The following RGS6 variants were observed in gnomAD, a reference collection of about 807,000 sequenced individuals.
RGS6 encodes regulator of G-protein signaling 6.
Under a neutral mutation model 78.5 loss-of-function variants are expected in RGS6, and 30 were observed. The observed-to-expected ratio is 0.38, with a 90% CI of 0.29 to 0.52. The LOEUF (loss-of-function observed/expected upper bound fraction) is 0.52, where lower values mean the gene tolerates loss of function less well. RGS6 is among the 20% of genes least tolerant of loss of function. RGS6 has a pLI of 0.85. For synonymous variants in RGS6, 206 were observed against 206.0 expected, an observed-to-expected ratio of 1.00 and a Z score of 0.00; for missense variants, 495 against 609.7, an observed-to-expected ratio of 0.81 and a Z score of 1.98.
chr14:72,229,786 C>T (rs1218191588), intron 2 of RGS6, among the ~76,000 whole-genome samples: 1 of 152,220 alleles, frequency 6.6e-6, no homozygotes, highest in East Asian at 1.9e-4. Flanking sequence ...TTCTCTCTCC[C>T]TTGCACTTTT....
At chr14:71,961,386 G>T (rs1255496208) in intron 1 of RGS6, among the ~76,000 whole-genome samples, 1 of 152,138 alleles carries the variant, frequency 6.6e-6, no homozygotes, top group Non-Finnish European at 1.5e-5. Flanking sequence ...GTGTGTCCTG[G>T]TTCTGATAGT....
At chr14:72,312,876 C>T (rs1446458276) in intron 2 of RGS6, among the ~76,000 whole-genome samples, 1 of 152,180 alleles carries the variant, frequency 6.6e-6, no homozygotes, top group Non-Finnish European at 1.5e-5. Flanking sequence ...CTAAATAGCC[C>T]CAGTGCTCAC....
intron 2 of RGS6, among the ~76,000 whole-genome samples, chr14:72,146,704 C>T (rs1021515361): frequency 7.9e-5 from 12 of 152,178 alleles, no homozygotes; most frequent in African/African-American, 2.4e-4. Context: ...AATCTCCACA[C>T]CCTTAATATT....
chr14:71,984,292 T>C (rs2094585901), intron 2 of RGS6, among the ~76,000 whole-genome samples: 1 of 91,308 alleles, frequency 1.1e-5, no homozygotes, highest in African/African-American at 4.7e-5. Context: ...AGAAACTGAA[T>C]TATGTTAAAA....
At chr14:72,619,240 G>C in the RGS6 span, 1 of 1,516,998 alleles carries the variant, frequency 6.6e-7, no homozygotes, top group Non-Finnish European at 8.8e-7. Context: ...GTTCTGGTTT[G>C]AACTGGGCTC....
chr14:72,293,860 C>G (rs1322964762), intron 2 of RGS6, among the ~76,000 whole-genome samples: 1 of 152,224 alleles, frequency 6.6e-6, no homozygotes, highest in Non-Finnish European at 1.5e-5. Context: ...AAAGTAGCCA[C>G]AAATAATAGT....
intron 2 of RGS6, among the ~76,000 whole-genome samples, chr14:72,158,924 G>T (rs1294531293): frequency 1.3e-5 from 2 of 152,168 alleles, no homozygotes; most frequent in Non-Finnish European, 2.9e-5. Flanking sequence ...CATTCAGCAA[G>T]TTACTTAACC....
intron 3 of RGS6, among the ~76,000 whole-genome samples, chr14:72,428,026 A>G (rs1449921814): frequency 6.6e-6 from 1 of 152,208 alleles, no homozygotes; most frequent in African/African-American, 2.4e-5. Context: ...GGAAAAGACC[A>G]CCTGGAAGTC....
At chr14:72,521,131 A>C (rs2097032093) in intron 15 of RGS6, among the ~76,000 whole-genome samples, 1 of 152,176 alleles carries the variant, frequency 6.6e-6, no homozygotes, top group Non-Finnish European at 1.5e-5. Flanking sequence ...CTTTTAATTC[A>C]AATTCTGACC....
chr14:72,017,849 G>A (rs1266223614), intron 2 of RGS6, among the ~76,000 whole-genome samples: 2 of 152,016 alleles, frequency 1.3e-5, no homozygotes, highest in East Asian at 3.9e-4. Flanking sequence ...GTAAATGTGT[G>A]CCATGGTGGT....
chr14:72,167,885 A>G (rs1316463969), intron 2 of RGS6, among the ~76,000 whole-genome samples: 1 of 152,112 alleles, frequency 6.6e-6, no homozygotes, highest in African/African-American at 2.4e-5. Flanking sequence ...ATGTCAATCA[A>G]TTACTCTGGC....
At chr14:72,259,910 CAAAAAAA>C (rs11287556) in intron 2 of RGS6, among the ~76,000 whole-genome samples, 1 of 68,410 alleles carries the variant, frequency 1.5e-5, no homozygotes, top group Non-Finnish European at 2.3e-5. Context: ...GACTCCGTCT[CAAAAAAA>C]AAAAAAAAAA....
At chr14:72,589,582 G>T in the RGS6 span, among the ~76,000 whole-genome samples, 2 of 141,872 alleles carry the variant, frequency 1.4e-5, no homozygotes, top group African/African-American at 5.2e-5. Flanking sequence ...AATTTCTTGG[G>T]AAGCAATATG....
At chr14:72,331,315 T>C (rs1404491804) in intron 2 of RGS6, among the ~76,000 whole-genome samples, 1 of 152,114 alleles carries the variant, frequency 6.6e-6, no homozygotes, top group East Asian at 1.9e-4. Flanking sequence ...TAGCAGTTTG[T>C]TAGAGAGGTG....
At chr14:71,889,279 A>G in the RGS6 span, among the ~76,000 whole-genome samples, 1 of 152,160 alleles carries the variant, frequency 6.6e-6, no homozygotes, top group Non-Finnish European at 1.5e-5. Context: ...CAGAAATATG[A>G]TTGCGGGGAA....
At chr14:71,867,927 C>T in the RGS6 span, among the ~76,000 whole-genome samples, 1 of 152,124 alleles carries the variant, frequency 6.6e-6, no homozygotes, top group South Asian at 2.1e-4. Context: ...TGTGATCGCT[C>T]CTCTTAAGGG....
the RGS6 span, among the ~76,000 whole-genome samples, chr14:72,579,797 T>A: frequency 6.6e-6 from 1 of 152,198 alleles, no homozygotes; most frequent in Admixed American, 6.5e-5. Context: ...TGGCAGCATA[T>A]AATAAGGTGC....
At chr14:71,968,603 C>G (rs1056692816) in intron 2 of RGS6, among the ~76,000 whole-genome samples, 3 of 152,142 alleles carry the variant, frequency 2.0e-5, no homozygotes, top group African/African-American at 7.2e-5. Flanking sequence ...TCAGCACTTT[C>G]CCATGGAAGC....
chr14:72,489,156 G>GCCCCCCCCC (rs35147203), intron 12 of RGS6, among the ~76,000 whole-genome samples: 1 of 141,998 alleles, frequency 7.0e-6, no homozygotes. Context: ...GACAAAGGGG[G>GCCCCCCCCC]CCCCCCCACC....
Sources: gnomAD v4.1 joint callset for allele counts (sites outside exome capture counted in the v4.1 genomes callset) on GRCh38, gnomAD v4.1.1 for gene constraint, MANE v1.5 for transcripts, NCBI Gene and HGNC (gene_info 2026-07-23, HGNC 2026-07-21) for gene names.